NR2F1-AS1: variants seen among roughly 807,000 people sequenced by gnomAD.
NR2F1-AS1 encodes NR2F1 regulatory antisense RNA 1.
At chr5:93,422,334 T>C (rs753958586) in intron 4 of NR2F1-AS1, 1 of 152,292 alleles carries the variant, frequency 6.6e-6, no homozygotes, top group African/African-American at 2.4e-5. Flanking sequence ...ACTCCAGCAA[T>C]TGGATCTGGT....
upstream of NR2F1-AS1, among the ~76,000 whole-genome samples, chr5:93,581,929 TCTGGGTCTCTCTCTCTCTC>T (rs1753095496): frequency 3.5e-5 from 4 of 113,766 alleles, no homozygotes; most frequent in African/African-American, 1.4e-4. Flanking sequence ...TCTCTCTCTC[TCTGGGTCTCTCTCTCTCTC>T]CTCTCTCTCT....
chr5:93,575,426 C>T (rs1404443535), intron 1 of NR2F1-AS1, among the ~76,000 whole-genome samples: 3 of 152,000 alleles, frequency 2.0e-5, no homozygotes, highest in African/African-American at 7.3e-5. Flanking sequence ...TGATAAATTG[C>T]TCAGCTTCAA....
chr5:93,561,399 TATA>T (rs1183272790), intron 2 of NR2F1-AS1, among the ~76,000 whole-genome samples: 2 of 152,236 alleles, frequency 1.3e-5, no homozygotes, highest in Admixed American at 6.5e-5. Flanking sequence ...TGTTCAATGC[TATA>T]ATAAGTTCAA....
chr5:93,446,736 C>T (rs1749717666), intron 4 of NR2F1-AS1, among the ~76,000 whole-genome samples: 1 of 152,168 alleles, frequency 6.6e-6, no homozygotes, highest in African/African-American at 2.4e-5. Context: ...AAAGAGCCCA[C>T]ATTGCCAAGA....
upstream of NR2F1-AS1, chr5:93,583,965 A>G (rs1444192847): frequency 6.6e-6 from 1 of 152,168 alleles, no homozygotes; most frequent in Non-Finnish European, 1.5e-5. Context: ...CAAAAAGAGC[A>G]AAGTGTGTGA....
chr5:93,466,255 T>C (rs767723181), intron 4 of NR2F1-AS1, among the ~76,000 whole-genome samples: 5 of 151,980 alleles, frequency 3.3e-5, no homozygotes, highest in Admixed American at 6.6e-5. Flanking sequence ...CCACCCACTT[T>C]TGCCATCTCT....
At position 93,526,615 on chromosome 5, in the gene NR2F1-AS1, G is replaced by A. The variant is rs189275715; in HGVS notation, n.638+27146C>T. ...ATCCTCAATAAAATACCAGCAAACC[G>A]AATCCAGCAGTACATCAAAAAGCTT... On this transcript the variant is annotated intron_variant and non_coding_transcript_variant, in intron 4 of 5. Coordinates refer to ENST00000660523, the Ensembl canonical transcript of NR2F1-AS1. Among the ~76,000 whole-genome samples the A allele has an allele frequency of 1.2e-4, 18 of 152,154 alleles. No homozygotes were observed. In the East Asian group the frequency reaches 1.7e-3, roughly 15 times the overall value.
At chr5:93,497,499 T>A (rs528987798) in intron 4 of NR2F1-AS1, among the ~76,000 whole-genome samples, 1 of 152,296 alleles carries the variant, frequency 6.6e-6, no homozygotes, top group Non-Finnish European at 1.5e-5. Context: ...CTTTGGTAAA[T>A]TCAATTAGAT....
chr5:93,565,201 T>A (rs1443976911), intron 1 of NR2F1-AS1, among the ~76,000 whole-genome samples: 1 of 152,148 alleles, frequency 6.6e-6, no homozygotes, highest in Non-Finnish European at 1.5e-5. Flanking sequence ...CTCTGTCTTT[T>A]GTTTGTTTCA....
At chr5:93,580,971 C>CTT (rs1431062351), upstream of NR2F1-AS1, 3 of 152,298 alleles carry the variant, frequency 2.0e-5, no homozygotes, top group Admixed American at 1.3e-4. Context: ...CACGGGAAAA[C>CTT]CTTTTATTCT....
chr5:93,413,828 T>C (rs1327939266), intron 4 of NR2F1-AS1, among the ~76,000 whole-genome samples: 1 of 152,240 alleles, frequency 6.6e-6, no homozygotes, highest in Non-Finnish European at 1.5e-5. Flanking sequence ...GTGTTATTTA[T>C]GATTCATGTA....
chr5:93,479,993 CA>C (rs1205845928), intron 4 of NR2F1-AS1, among the ~76,000 whole-genome samples: 3 of 150,720 alleles, frequency 2.0e-5, no homozygotes, highest in African/African-American at 7.3e-5. Context: ...TATGAACAGA[CA>C]AAAAAAATTA....
chr5:93,536,132 A>C (rs1196465763), intron 4 of NR2F1-AS1, among the ~76,000 whole-genome samples: 6 of 152,156 alleles, frequency 3.9e-5, no homozygotes, highest in Admixed American at 3.9e-4. Flanking sequence ...AATCAGCATA[A>C]TTTCTATATG....
At chr5:93,544,918 C>CAAAAAA (rs11322318) in intron 4 of NR2F1-AS1, 3 of 61,786 alleles carry the variant, frequency 4.9e-5, no homozygotes, top group South Asian at 5.6e-4. Flanking sequence ...GATTCCATCT[C>CAAAAAA]AAAAAAAAAA....
At chr5:93,495,335 T>G (rs897723598) in intron 4 of NR2F1-AS1, among the ~76,000 whole-genome samples, 3 of 152,180 alleles carry the variant, frequency 2.0e-5, no homozygotes, top group Non-Finnish European at 2.9e-5. Context: ...TGCTTGATTT[T>G]TGTCTTTTCT....
intron 4 of NR2F1-AS1, among the ~76,000 whole-genome samples, chr5:93,452,497 A>C (rs1017024629): frequency 1.3e-5 from 2 of 152,126 alleles, no homozygotes; most frequent in Non-Finnish European, 2.9e-5. Flanking sequence ...ATACAACTAG[A>C]ATTTGTGGAG....
At chr5:93,582,953 G>GA (rs1246658430), upstream of NR2F1-AS1, among the ~76,000 whole-genome samples, 1 of 152,088 alleles carries the variant, frequency 6.6e-6, no homozygotes, top group African/African-American at 2.4e-5. Flanking sequence ...CTAAGCGGGG[G>GA]GGGGAGAAAG....
intron 4 of NR2F1-AS1, among the ~76,000 whole-genome samples, chr5:93,448,338 G>C (rs762363208): frequency 2.0e-5 from 3 of 152,128 alleles, no homozygotes; most frequent in Non-Finnish European, 4.4e-5. Flanking sequence ...CATCTGACAA[G>C]ATAGACCTGT....
At chr5:93,499,054 C>G (rs1297203853) in intron 4 of NR2F1-AS1, among the ~76,000 whole-genome samples, 1 of 151,968 alleles carries the variant, frequency 6.6e-6, no homozygotes, top group African/African-American at 2.4e-5. Context: ...CTATTCTATT[C>G]AGAATAACTG....
Sources: gnomAD v4.1 joint callset for allele counts (sites outside exome capture counted in the v4.1 genomes callset) on GRCh38, gnomAD v4.1.1 for gene constraint, MANE v1.5 for transcripts, NCBI Gene and HGNC (gene_info 2026-07-23, HGNC 2026-07-21) for gene names.